APBB1: variants seen among roughly 807,000 people sequenced by gnomAD.
APBB1 encodes the protein amyloid beta precursor protein binding family B member 1, also known as adaptor protein FE65a2.
A neutral mutation model predicts 78.4 loss-of-function variants in APBB1; 22 were observed. The observed-to-expected ratio is 0.28, with a 90% CI of 0.20 to 0.40. The LOEUF is 0.40. Among genes scored for constraint, APBB1 ranks in the 10% least tolerant of loss-of-function variants. APBB1 has a pLI of 1.00. For missense variants in APBB1, 749 were observed against 932.4 expected (o/e 0.80, Z 2.56); for synonymous variants, 369 against 372.7 (o/e 0.99, Z 0.12).
chr11:6,415,329 T>C (rs1849092475), intron 1 of APBB1, among the ~76,000 whole-genome samples: 1 of 152,206 alleles, frequency 6.6e-6, no homozygotes, highest in Non-Finnish European at 1.5e-5. Context: ...TCAGGAGTTG[T>C]CTAATCTGAC....
In APBB1 at chr11:6,401,728, C is replaced by T. The variant is rs747228608; in HGVS notation, c.1389-40G>A. On this transcript the variant is annotated intron_variant, in intron 9 of 14. Transcript: ENST00000609360. The surrounding 1 kb of genome is among the most constrained non-coding windows in gnomAD (Gnocchi z 4.5). Reference sequence around the variant, plus strand: ...GCACCTCAGTGTCTCCCAGTACCATCCAGTGCTGAGCCTGGTCCCCACCCC... The same window carrying T: ...GCACCTCAGTGTCTCCCAGTACCATTCAGTGCTGAGCCTGGTCCCCACCCC... 111 of 1,606,944 alleles carry T rather than the reference C, an allele frequency of 6.9e-5. No homozygotes were observed. In the South Asian group the frequency reaches 1.1e-3, roughly 16 times the overall value.
chr11:6,417,374 C>G (rs563250163), intron 1 of APBB1, among the ~76,000 whole-genome samples: 1 of 152,264 alleles, frequency 6.6e-6, no homozygotes, highest in African/African-American at 2.4e-5. Flanking sequence ...TCTCAAGGCA[C>G]CATACAGCTT....
intron 12 of APBB1, among the ~76,000 whole-genome samples, chr11:6,398,997 G>A (rs1220133896): frequency 1.3e-5 from 2 of 152,146 alleles, no homozygotes; most frequent in Non-Finnish European, 2.9e-5. Flanking sequence ...AGTTCTTCCT[G>A]TGTGTCTTTT....
chr11:6,396,002 C>T (rs1424663487), intron 13 of APBB1, 40 bp from the exon 14 acceptor site: 1 of 1,606,228 alleles, frequency 6.2e-7, no homozygotes, highest in Middle Eastern at 1.7e-4. Context: ...ACACCAACCC[C>T]ACACTGTGTT....
chr11:6,416,337 T>C (rs1465090401), intron 1 of APBB1, among the ~76,000 whole-genome samples: 1 of 152,192 alleles, frequency 6.6e-6, no homozygotes, highest in Non-Finnish European at 1.5e-5. Flanking sequence ...CTCTTTCTCA[T>C]CCTATAATCA....
intron 6 of APBB1, 22 bp from the exon 7 acceptor site, chr11:6,402,747 C>T (rs1848592226): frequency 1.2e-6 from 2 of 1,613,564 alleles, no homozygotes; most frequent in Admixed American, 1.7e-5. Context: ...AGAAGAGGGG[C>T]AGGAGGTAGA....
At chr11:6,415,869 T>A (rs1430420925) in intron 1 of APBB1, among the ~76,000 whole-genome samples, 1 of 152,136 alleles carries the variant, frequency 6.6e-6, no homozygotes, top group Non-Finnish European at 1.5e-5. Context: ...TCCTTCTCAA[T>A]AGGATCCACG....
At chr11:6,408,309 AAAC>A (rs1318693719) in intron 2 of APBB1, among the ~76,000 whole-genome samples, 2 of 152,152 alleles carry the variant, frequency 1.3e-5, no homozygotes, top group South Asian at 2.1e-4. Context: ...GCAAAACTGC[AAAC>A]AACAACAACG....
chr11:6,402,408 C>A lies in APBB1; in HGVS notation c.1254+168G>T, dbSNP rs994383588. On this transcript the variant is annotated intron_variant, in intron 7 of 14. Coordinates refer to ENST00000609360, the MANE Select transcript of APBB1 (RefSeq NM_001164.5). ...CTCCACCGTTGTTAGGCGACTATCT[C>A]CCAAGGTCCTGGCCTGGGGTCGCTC... The A allele has an allele frequency of 6.5e-6, 7 of 1,082,712 alleles. No individual in the cohort carries two copies. The African/African-American group carries it at 1.1e-4, about 17-fold the overall frequency. 67.1% of individuals were successfully genotyped at this position (1,082,712 alleles called of 1,614,324 possible).
intron 2 of APBB1, chr11:6,404,125 A>C (rs962598328): frequency 2.6e-6 from 1 of 383,028 alleles, no homozygotes; most frequent in African/African-American, 2.0e-5. Context: ...GACCCCAATT[A>C]ACCTCCTTTC....
chr11:6,406,489 A>C lies in APBB1; in HGVS notation c.722-2667T>G, dbSNP rs73398874. 3.6e-3 allele frequency among the ~76,000 whole-genome samples: 553 copies of C among 152,264 alleles called. 2 individuals are homozygous for C. Among genetic ancestry groups the C allele is most frequent in the African/African-American group, 0.013 (533 of 41,540 alleles). ...CAATCTCAGCTGCACAGTACAGCCC[A>C]AATGATTCTTCTGAGATGCTAAACT... On this transcript the variant is annotated intron_variant, in intron 2 of 14. Coordinates refer to ENST00000609360, the MANE Select transcript of APBB1 (RefSeq NM_001164.5).
In APBB1 at chr11:6,410,735, T is replaced by A. The variant is rs780962299; in HGVS notation, c.613A>T (p.Ser205Cys). 13 of 1,569,608 alleles carry A rather than the reference T, an allele frequency of 8.3e-6. No individual in the cohort carries two copies. Among genetic ancestry groups the A allele is most frequent in the Non-Finnish European group, 3.5e-6 (4 of 1,157,680 alleles). Reference protein sequence around the residue: ...LTDGPREHSKSASLLFGMRNS... With the variant: ...LTDGPREHSKCASLLFGMRNS... ...CGCATGCCAAACAGGAGGCTGGCAC[T>A]CTTGCTGTGTTCCCGGGGGCCATCT... The change falls in exon 2 of 15, where the codon AGT becomes TGT. Residue 205 changes from serine to cysteine, a missense_variant. Around this residue, in one of 3 missense-constraint regions of APBB1, gnomAD observed 635 missense variants for 765.0 expected, o/e 0.83. Coordinates refer to ENST00000609360, the MANE Select transcript of APBB1 (RefSeq NM_001164.5).
chr11:6,404,492 A>G (rs1321037503), intron 2 of APBB1: 3 of 1,286,400 alleles, frequency 2.3e-6, no homozygotes, highest in Non-Finnish European at 3.2e-6. Context: ...ACCCACACTC[A>G]GACACACGGC....
chr11:6,396,015 A>G, intron 13 of APBB1, 53 bp from the exon 14 acceptor site: 4 of 1,602,512 alleles, frequency 2.5e-6, no homozygotes, highest in Non-Finnish European at 3.4e-6. Flanking sequence ...ACTGTGTTCC[A>G]CATCCATCTT....
rs1848201797 is a variant in APBB1, at chr11:6,396,093, T to C, written c.1788+7A>G. On this transcript the variant is annotated splice_region_variant and intron_variant, in intron 13 of 14. Transcript: ENST00000609360. ...GCGCAGCCACGACTTCTACCCCAGC[T>C]CTTTACCTGCTGGTGCAAGATGGTG... 6.4e-6 allele frequency: 10 copies of C among 1,574,558 alleles called. No individual in the cohort carries two copies. Among genetic ancestry groups the C allele is most frequent in the Non-Finnish European group, 8.6e-6 (10 of 1,160,452 alleles).
chr11:6,395,552 C>T lies in APBB1; in HGVS notation c.2115G>A (p.Leu705=), dbSNP rs145369421. The T allele has an allele frequency of 1.0e-4, 161 of 1,568,648 alleles. No individual in the cohort carries two copies. Among genetic ancestry groups the T allele is most frequent in the Non-Finnish European group, 1.3e-4 (155 of 1,157,576 alleles). Residue 705 remains leucine, a synonymous_variant, in exon 15 of 15, where the codon CTG becomes CTA. Transcript: ENST00000609360. This position sits in a 1 kb window ranked among gnomAD's most constrained non-coding sequence, Gnocchi z 5.2. ...GGCTTCTTCATGGGGTATGGGCCCC[C>T]AGCCGTTTGGGCTTCAGGGAGCCCC... The part of the protein sequence containing the change: ...SLWGSLKPKR[L]GAHTP
At chr11:6,404,013 G>A (rs1848673325) in intron 2 of APBB1, 191 bp from the exon 3 acceptor site, 1 of 534,746 alleles carries the variant, frequency 1.9e-6, no homozygotes. Flanking sequence ...TAGGGGACAT[G>A]GCTCAGGTCT....
At chr11:6,399,371 C>T (rs537575439) in intron 12 of APBB1, among the ~76,000 whole-genome samples, 1 of 152,318 alleles carries the variant, frequency 6.6e-6, no homozygotes, top group Non-Finnish European at 1.5e-5. Context: ...ACAATCTCTA[C>T]GCTCAAATTG....
intron 1 of APBB1, among the ~76,000 whole-genome samples, chr11:6,412,987 T>C (rs1849013647): frequency 6.6e-6 from 1 of 151,988 alleles, no homozygotes; most frequent in Non-Finnish European, 1.5e-5. Context: ...CCAACTATCC[T>C]TCCAGCCCGC....
Sources: allele counts gnomAD v4.1 joint callset (sites outside exome capture counted in the v4.1 genomes callset), GRCh38; gene constraint gnomAD v4.1.1; regional missense constraint gnomAD v4.1.1; non-coding constraint Gnocchi (gnomAD v3.1); transcripts MANE v1.5; gene names NCBI Gene and HGNC (gene_info 2026-07-23, HGNC 2026-07-21).